The following RTL4 variants were observed in gnomAD, a reference collection of about 807,000 sequenced individuals.
The protein encoded by RTL4 is retrotransposon Gag-like protein 4.
Under a neutral mutation model 5.3 loss-of-function variants are expected in RTL4, and 4 were observed. The observed-to-expected ratio is 0.75, with a 90% confidence interval of 0.37 to 1.72. The LOEUF (loss-of-function observed/expected upper bound fraction) is 1.72, where lower values mean the gene tolerates loss of function less well. Among genes scored for constraint, RTL4 ranks in the 40% most tolerant of loss-of-function variants. RTL4 has a pLI of 0.04. For synonymous variants in RTL4, 98 were observed against 87.3 expected, an observed-to-expected ratio of 1.12 and a Z score of -0.68; for missense variants, 260 against 227.1, an observed-to-expected ratio of 1.14 and a Z score of -0.93.
chrX:112,270,951 C>T, the RTL4 span, among the ~76,000 whole-genome samples: 408 of 105,873 alleles, frequency 3.9e-3, 3 homozygotes, highest in African/African-American at 0.013. Context: ...GCCTATTAGA[C>T]GTCATAGTTC....
the RTL4 span, among the ~76,000 whole-genome samples, chrX:112,138,546 A>G: frequency 9.0e-6 from 1 of 111,333 alleles, no homozygotes; most frequent in East Asian, 2.8e-4. Context: ...TTCAATCTGT[A>G]CAGTTTTTTA....
chrX:112,179,258 G>T, the RTL4 span, among the ~76,000 whole-genome samples: 3 of 111,142 alleles, frequency 2.7e-5, no homozygotes, highest in East Asian at 2.8e-4. Flanking sequence ...AAGGGTGGGG[G>T]TCTAGAGGGA....
chrX:112,154,034 C>T, the RTL4 span, among the ~76,000 whole-genome samples: 4 of 110,804 alleles, frequency 3.6e-5, no homozygotes, highest in Non-Finnish European at 5.7e-5. Context: ...TTCTTATTTT[C>T]TTTGTGTTCC....
At chrX:112,436,088 A>C in the RTL4 span, among the ~76,000 whole-genome samples, 1 of 111,092 alleles carries the variant, frequency 9.0e-6, no homozygotes, top group South Asian at 3.8e-4. Context: ...ATGGTGGTGT[A>C]TGCCTGTAAT....
the RTL4 span, among the ~76,000 whole-genome samples, chrX:112,352,167 C>A: frequency 2.8e-5 from 3 of 108,161 alleles, no homozygotes; most frequent in Non-Finnish European, 5.8e-5. Context: ...GTTGAAAATT[C>A]TTTTCTTTAA....
chrX:112,340,973 C>T, the RTL4 span, among the ~76,000 whole-genome samples: 2 of 111,410 alleles, frequency 1.8e-5, no homozygotes, highest in African/African-American at 3.3e-5. Flanking sequence ...CTGCCCTGGC[C>T]TCCCAAAGTG....
the RTL4 span, among the ~76,000 whole-genome samples, chrX:112,116,645 C>T: frequency 4.5e-5 from 5 of 111,380 alleles, no homozygotes; most frequent in African/African-American, 1.6e-4. Context: ...TAGCTAGCTA[C>T]AGAGCACTGA....
At chrX:112,172,186 G>A in the RTL4 span, among the ~76,000 whole-genome samples, 1 of 111,221 alleles carries the variant, frequency 9.0e-6, no homozygotes, top group African/African-American at 3.3e-5. Context: ...TTAGCTGGGT[G>A]TAGCAGCGGG....
chrX:112,251,674 T>A, the RTL4 span, among the ~76,000 whole-genome samples: 1 of 110,989 alleles, frequency 9.0e-6, no homozygotes, highest in African/African-American at 3.3e-5. Flanking sequence ...GTGTTAGAAT[T>A]GAGGATAAAG....
the RTL4 span, among the ~76,000 whole-genome samples, chrX:112,378,937 C>T: frequency 8.9e-6 from 1 of 112,453 alleles, no homozygotes. Flanking sequence ...GCGTTGGAAG[C>T]ACAACAATTC....
chrX:112,189,889 A>G, the RTL4 span, among the ~76,000 whole-genome samples: 2 of 112,245 alleles, frequency 1.8e-5, no homozygotes, highest in African/African-American at 6.5e-5. Flanking sequence ...ACTCACCCAA[A>G]TAACAACAAC....
chrX:112,323,424 GATATTTTAGCTT>G, the RTL4 span, among the ~76,000 whole-genome samples: 2 of 110,381 alleles, frequency 1.8e-5, no homozygotes, highest in Non-Finnish European at 3.8e-5. Context: ...TTTTGTTTAT[GATATTTTAGCTT>G]ATATTTTAGC....
At chrX:112,299,286 C>G in the RTL4 span, among the ~76,000 whole-genome samples, 2 of 112,129 alleles carry the variant, frequency 1.8e-5, no homozygotes, top group Admixed American at 1.9e-4. Flanking sequence ...GTGTGCCACA[C>G]AAACATTGTT....
chrX:112,181,700 AT>A, the RTL4 span, among the ~76,000 whole-genome samples: 1 of 111,792 alleles, frequency 8.9e-6, no homozygotes, highest in African/African-American at 3.3e-5. Flanking sequence ...TACAGATAAA[AT>A]TCCCATGTTT....
At chrX:112,310,782 A>T in the RTL4 span, among the ~76,000 whole-genome samples, 21 of 79,998 alleles carry the variant, frequency 2.6e-4, no homozygotes, top group Admixed American at 5.6e-4. Context: ...TATAATATAT[A>T]TTAATATTAT....
At chrX:112,347,130 C>T in the RTL4 span, among the ~76,000 whole-genome samples, 15 of 111,562 alleles carry the variant, frequency 1.3e-4, no homozygotes, top group African/African-American at 4.9e-4. Context: ...GCTCTGAGCC[C>T]ATTTCTTCCT....
chrX:112,385,712 T>G, the RTL4 span, among the ~76,000 whole-genome samples: 1 of 111,887 alleles, frequency 8.9e-6, no homozygotes, highest in East Asian at 2.8e-4. Context: ...GGATATAACA[T>G]TTTTTTCTGG....
chrX:112,454,682 T>C (rs1241777796), exon 1 of RTL4: 1 of 1,098,867 alleles, frequency 9.1e-7, no homozygotes, highest in Admixed American at 2.7e-5. Context: ...TGGTTTCCAG[T>C]ACTAGTACTC....
chrX:112,329,435 T>C, the RTL4 span, among the ~76,000 whole-genome samples: 1 of 111,115 alleles, frequency 9.0e-6, no homozygotes, highest in South Asian at 3.8e-4. Flanking sequence ...CCTCGACACA[T>C]ACACTCTCCC....
Sources: gnomAD v4.1 joint callset for allele counts (sites outside exome capture counted in the v4.1 genomes callset) on GRCh38, gnomAD v4.1.1 for gene constraint, MANE v1.5 for transcripts, NCBI Gene and HGNC (gene_info 2026-07-23, HGNC 2026-07-21) for gene names.